PRKCB: variants seen among roughly 807,000 people sequenced by gnomAD.
PRKCB encodes protein kinase C beta type.
In PRKCB, 13 loss-of-function variants were observed where a neutral mutation model predicts 81.5. The observed-to-expected ratio is 0.16, with a 90% confidence interval of 0.10 to 0.25. The LOEUF (loss-of-function observed/expected upper bound fraction) is 0.25, where lower values mean the gene tolerates loss of function less well. Ranked by LOEUF, PRKCB falls within the 10% of genes least tolerant of loss-of-function variation. The pLI is 1.00. For synonymous variants in PRKCB, 335 were observed against 321.4 expected (o/e 1.04, Z -0.45); for missense variants, 509 against 875.7 (o/e 0.58, Z 5.29).
At chr16:23,836,495 C>A (rs1962160785) in intron 1 of PRKCB, 147 bp downstream of exon 1, 1 of 1,289,462 alleles carries the variant, frequency 7.8e-7, no homozygotes, top group African/African-American at 1.6e-5. Flanking sequence ...CCCTGCTGCC[C>A]GGGACTCCCG....
At chr16:24,116,377 C>T (rs190581605) in intron 8 of PRKCB, among the ~76,000 whole-genome samples, 2 of 151,858 alleles carry the variant, frequency 1.3e-5, no homozygotes, top group Admixed American at 6.6e-5. Flanking sequence ...AGCAACATAG[C>T]GACCCTACCT....
chr16:23,981,665 CCTTTCT>C (rs1484717621), intron 2 of PRKCB, among the ~76,000 whole-genome samples: 1 of 134,864 alleles, frequency 7.4e-6, no homozygotes, highest in Non-Finnish European at 1.6e-5. Context: ...TCCTTTTTTC[CCTTTCT>C]CTTCCCCTTC....
chr16:24,161,634 A>G (rs563982582), intron 10 of PRKCB, among the ~76,000 whole-genome samples: 2 of 152,336 alleles, frequency 1.3e-5, no homozygotes, highest in Non-Finnish European at 2.9e-5. Flanking sequence ...TCCTAGAAGC[A>G]CAAAGGGATA....
At chr16:23,900,718 G>GTTTTTTTTTTTTTTTTTTTTTTTTTT (rs56897816) in intron 2 of PRKCB, among the ~76,000 whole-genome samples, 1 of 62,232 alleles carries the variant, frequency 1.6e-5, no homozygotes, top group African/African-American at 7.0e-5. Context: ...AGCTGCACAG[G>GTTTTTTTTTTTTTTTTTTTTTTTTTT]TTTTTTTTTT....
At chr16:24,031,712 G>C (rs1166314469) in intron 3 of PRKCB, among the ~76,000 whole-genome samples, 1 of 152,226 alleles carries the variant, frequency 6.6e-6, no homozygotes, top group Non-Finnish European at 1.5e-5. Context: ...TTCACATCCA[G>C]ACTTGGGTTT....
chr16:24,190,631 G>T (rs1247554156), intron 15 of PRKCB, among the ~76,000 whole-genome samples: 1 of 151,058 alleles, frequency 6.6e-6, no homozygotes, highest in Non-Finnish European at 1.5e-5. Context: ...CAATTCTCCT[G>T]CCTCAGCCTC....
chr16:23,846,702 TG>T (rs1308841466), intron 2 of PRKCB, among the ~76,000 whole-genome samples: 1 of 151,258 alleles, frequency 6.6e-6, no homozygotes, highest in Admixed American at 6.6e-5. Context: ...ATGTTGAGCC[TG>T]GTTCTGTTCT....
intron 8 of PRKCB, among the ~76,000 whole-genome samples, chr16:24,122,235 G>A (rs907669481): frequency 1.3e-5 from 2 of 151,796 alleles, no homozygotes; most frequent in Non-Finnish European, 2.9e-5. Context: ...AGGCCCTGGG[G>A]TAAGAGCATG....
chr16:23,914,070 A>G (rs113970972), intron 2 of PRKCB, among the ~76,000 whole-genome samples: 14,420 of 151,990 alleles, frequency 0.095, 941 homozygotes, highest in South Asian at 0.17. Context: ...TAGCACAATC[A>G]TAGCTCACTG....
At chr16:24,036,731 C>T (rs1416172204) in intron 5 of PRKCB, among the ~76,000 whole-genome samples, 3 of 152,176 alleles carry the variant, frequency 2.0e-5, no homozygotes, top group Non-Finnish European at 4.4e-5. Flanking sequence ...TGGTCGCCTG[C>T]CTCCCAGTGT....
chr16:23,872,022 G>T (rs919654693), intron 2 of PRKCB, among the ~76,000 whole-genome samples: 1 of 152,130 alleles, frequency 6.6e-6, no homozygotes, highest in African/African-American at 2.4e-5. Flanking sequence ...TGGCACTCAG[G>T]GGGTGCTCAA....
At chr16:24,157,623 T>C (rs575864275) in intron 10 of PRKCB, among the ~76,000 whole-genome samples, 1 of 150,720 alleles carries the variant, frequency 6.6e-6, no homozygotes, top group Non-Finnish European at 1.5e-5. Flanking sequence ...CTAATGAGAA[T>C]GGACTAATAC....
intron 7 of PRKCB, among the ~76,000 whole-genome samples, chr16:24,109,519 CAG>C (rs1003113129): frequency 8.2e-6 from 1 of 121,882 alleles, no homozygotes; most frequent in Non-Finnish European, 1.7e-5. Flanking sequence ...GGCGGCCGGG[CAG>C]AGACGCTCCT....
intron 2 of PRKCB, among the ~76,000 whole-genome samples, chr16:23,938,895 A>C (rs1964100582): frequency 6.6e-6 from 1 of 152,242 alleles, no homozygotes. Flanking sequence ...AGAAAGAAAG[A>C]AAGCATACAA....
chr16:24,089,093 G>C (rs1342391617), intron 5 of PRKCB, among the ~76,000 whole-genome samples: 1 of 152,176 alleles, frequency 6.6e-6, no homozygotes, highest in Non-Finnish European at 1.5e-5. Flanking sequence ...TCCTTGGAAG[G>C]CTCAAGAAAT....
intron 2 of PRKCB, among the ~76,000 whole-genome samples, chr16:23,967,126 A>G (rs1436100915): frequency 6.6e-6 from 1 of 152,064 alleles, no homozygotes; most frequent in East Asian, 1.9e-4. Context: ...TCTGCCCTGC[A>G]AATCAGCAGC....
intron 5 of PRKCB, among the ~76,000 whole-genome samples, chr16:24,060,160 A>C (rs7193148): frequency 0.26 from 40,165 of 152,126 alleles, 8,348 homozygotes; most frequent in African/African-American, 0.58. Flanking sequence ...TGTCTTCAGG[A>C]AGATAGGTGT....
intron 2 of PRKCB, among the ~76,000 whole-genome samples, chr16:23,934,507 A>G (rs983612332): frequency 6.6e-6 from 1 of 152,180 alleles, no homozygotes; most frequent in Non-Finnish European, 1.5e-5. Flanking sequence ...GATAAGTATT[A>G]TTTTAATAGG....
chr16:24,218,603 G>A lies in PRKCB; in HGVS notation c.*3787G>A. ...ATCTCAGGGGAGCAGCCACAAAGAA[G>A]CAAGTCTTGTAAAAGGTCTTTTGCA... On this transcript the variant is annotated 3_prime_UTR_variant, in exon 17 of 17. Coordinates refer to ENST00000643927, the MANE Select transcript of PRKCB (RefSeq NM_002738.7). 1 of 985,426 alleles carries A rather than the reference G, an allele frequency of 1.0e-6. No individual in the cohort carries two copies. Among genetic ancestry groups the A allele is most frequent in the Non-Finnish European group, 1.2e-6 (1 of 829,984 alleles). 61.0% of individuals were successfully genotyped at this position (985,426 alleles called of 1,614,324 possible).
Sources: allele counts gnomAD v4.1 joint callset (sites outside exome capture counted in the v4.1 genomes callset), GRCh38; gene constraint gnomAD v4.1.1; transcripts MANE v1.5; gene names NCBI Gene and HGNC (gene_info 2026-07-23, HGNC 2026-07-21).